SORCS2: variants seen among roughly 807,000 people sequenced by gnomAD.
SORCS2 encodes sortilin related VPS10 domain containing receptor 2, also known as VPS10 domain-containing receptor SorCS2.
In SORCS2, 100 loss-of-function variants were observed where a neutral mutation model predicts 141.6. The observed-to-expected ratio is 0.71, with a 90% CI of 0.60 to 0.83. The LOEUF is 0.83. Among genes scored for constraint, SORCS2 ranks in the 40% least tolerant of loss-of-function variants. SORCS2 has a pLI of 0.00. For missense variants in SORCS2, 1,646 were observed against 1,560.2 expected, an observed-to-expected ratio of 1.05 and a Z score of -0.93; for synonymous variants, 789 against 676.9, an observed-to-expected ratio of 1.17 and a Z score of -2.57.
At position 7,629,659 on chromosome 4, in the gene SORCS2, G is replaced by C. The variant is rs571274371; in HGVS notation, c.649-8669G>C. On this transcript the variant is annotated intron_variant, in intron 3 of 26. Coordinates refer to ENST00000507866, the MANE Select transcript of SORCS2 (RefSeq NM_020777.3). ...ACTTCCTGCCATGCCTGGATGAGCT[G>C]TTCCTTTCCGGCACCCCCAGCCAGG... is the stretch of plus-strand genomic sequence containing the variant. 2.5e-3 allele frequency among the ~76,000 whole-genome samples: 384 copies of C among 151,438 alleles called. 2 individuals are homozygous for C. The highest frequency in any genetic ancestry group is 5.8e-3 in the Admixed American group (88 of 15,166).
At chr4:7,618,486 G>A (rs1413645197) in intron 3 of SORCS2, among the ~76,000 whole-genome samples, 1 of 152,100 alleles carries the variant, frequency 6.6e-6, no homozygotes, top group Non-Finnish European at 1.5e-5. Context: ...ATTGCAATCA[G>A]ACTCCTCACG....
Position 7,664,587 on chromosome 4 carries a change from C to T in SORCS2, c.1071+116C>T, listed in dbSNP as rs1422436906. ...GGCAATAAAACGGGTATTTCACTCTCAAATGCTACTTCGCAGGTCACGGTT... is the reference window on the plus strand; with the variant it reads ...GGCAATAAAACGGGTATTTCACTCTTAAATGCTACTTCGCAGGTCACGGTT... On this transcript the variant is annotated intron_variant, in intron 7 of 26. Transcript: ENST00000507866. This position sits in a 1 kb window ranked among gnomAD's most constrained non-coding sequence, Gnocchi z 4.7. 1 of 708,788 alleles carries T rather than the reference C, an allele frequency of 1.4e-6. No individual in the cohort carries two copies. The highest frequency in any genetic ancestry group is 2.4e-6 in the Non-Finnish European group (1 of 424,502). The allele number at this position is 708,788 out of a possible 1,614,324, so 43.9% of individuals were successfully genotyped here. A position where few individuals can be genotyped will look rare whatever the true frequency, so the allele number is the denominator to read the frequency against.
intron 1 of SORCS2, among the ~76,000 whole-genome samples, chr4:7,253,149 C>T (rs1196113404): frequency 6.6e-6 from 1 of 152,238 alleles, no homozygotes; most frequent in Non-Finnish European, 1.5e-5. Flanking sequence ...GCCGTCCCGG[C>T]CTTTGAGGTC....
At chr4:7,450,720 A>T (rs532766770) in intron 2 of SORCS2, among the ~76,000 whole-genome samples, 12 of 152,380 alleles carry the variant, frequency 7.9e-5, no homozygotes, top group African/African-American at 2.9e-4. Flanking sequence ...TGAGGGAGTG[A>T]GTGCATGAAT....
intron 1 of SORCS2, among the ~76,000 whole-genome samples, chr4:7,340,242 C>T (rs550932039): frequency 1.3e-5 from 2 of 152,380 alleles, no homozygotes; most frequent in South Asian, 4.1e-4. Flanking sequence ...GTACGACCCT[C>T]ACACTCCGCT....
chr4:7,524,593 T>C (rs1733545666), intron 2 of SORCS2, among the ~76,000 whole-genome samples: 1 of 151,924 alleles, frequency 6.6e-6, no homozygotes. Flanking sequence ...TTGTTTTTTT[T>C]TTTTCATGTT....
At chr4:7,412,288 T>C (rs183334995) in intron 2 of SORCS2, among the ~76,000 whole-genome samples, 15 of 152,182 alleles carry the variant, frequency 9.9e-5, no homozygotes, top group Non-Finnish European at 1.6e-4. Context: ...CCCCTGGAGT[T>C]AGTTCTCAGG....
intron 2 of SORCS2, among the ~76,000 whole-genome samples, chr4:7,420,300 G>A (rs1045726432): frequency 5.9e-5 from 9 of 152,194 alleles, no homozygotes; most frequent in African/African-American, 2.2e-4. Context: ...AGGGCTCTCT[G>A]GGCCTCAGAG....
intron 1 of SORCS2, among the ~76,000 whole-genome samples, chr4:7,200,070 C>T (rs1727405157): frequency 1.3e-5 from 2 of 152,098 alleles, no homozygotes; most frequent in African/African-American, 2.4e-5. Context: ...AGGGCAGCAG[C>T]GTGGATGGGC....
intron 1 of SORCS2, among the ~76,000 whole-genome samples, chr4:7,251,799 A>G (rs577435666): frequency 6.6e-6 from 1 of 152,086 alleles, no homozygotes; most frequent in Non-Finnish European, 1.5e-5. Flanking sequence ...TGTTGGTCGC[A>G]GCTGGATCAC....
At chr4:7,665,804 A>C (rs1044325820) in intron 7 of SORCS2, among the ~76,000 whole-genome samples, 1 of 152,126 alleles carries the variant, frequency 6.6e-6, no homozygotes, top group African/African-American at 2.4e-5. Flanking sequence ...CTGGGCAACC[A>C]TCTCCCATGT....
At chr4:7,558,985 C>T (rs1417357497) in intron 3 of SORCS2, among the ~76,000 whole-genome samples, 1 of 152,232 alleles carries the variant, frequency 6.6e-6, no homozygotes, top group Non-Finnish European at 1.5e-5. Context: ...GTCCCTCCTG[C>T]CCCTATCTGG....
At chr4:7,427,420 C>T (rs1218588391) in intron 2 of SORCS2, among the ~76,000 whole-genome samples, 2 of 152,164 alleles carry the variant, frequency 1.3e-5, no homozygotes, top group Non-Finnish European at 2.9e-5. Context: ...TCCCCGACTT[C>T]ACTCCTGAGC....
intron 1 of SORCS2, among the ~76,000 whole-genome samples, chr4:7,204,699 G>T (rs1727643402): frequency 6.6e-6 from 1 of 152,184 alleles, no homozygotes; most frequent in African/African-American, 2.4e-5. Context: ...CGGTGGCAAG[G>T]CTGCGTCGTG....
intron 1 of SORCS2, among the ~76,000 whole-genome samples, chr4:7,261,674 G>C (rs980235203): frequency 6.6e-6 from 1 of 152,184 alleles, no homozygotes; most frequent in Admixed American, 6.5e-5. Flanking sequence ...ACAGCAGATC[G>C]GGAATCAGGC....
At chr4:7,508,180 C>T (rs1732390239) in intron 2 of SORCS2, among the ~76,000 whole-genome samples, 1 of 133,816 alleles carries the variant, frequency 7.5e-6, no homozygotes, top group Non-Finnish European at 1.5e-5. Flanking sequence ...TTTAATAAAG[C>T]ATGTAGGGAG....
chr4:7,398,117 C>T (rs530712186), intron 2 of SORCS2, among the ~76,000 whole-genome samples: 6 of 151,886 alleles, frequency 4.0e-5, no homozygotes, highest in South Asian at 4.2e-4. Context: ...ACTTATACGA[C>T]GGAGTTGCCG....
intron 19 of SORCS2, among the ~76,000 whole-genome samples, chr4:7,724,441 A>G (rs1425808461): frequency 1.3e-5 from 1 of 75,040 alleles, no homozygotes; most frequent in Non-Finnish European, 2.7e-5. Context: ...GATAATGGTG[A>G]CAATGGTGGT....
chr4:7,689,345 CCTCCATCCGTTCCTCCAAGGCA>C (rs1724069189), intron 10 of SORCS2, 119 bp from the exon 11 acceptor site: 2 of 696,386 alleles, frequency 2.9e-6, no homozygotes, highest in African/African-American at 3.6e-5. Context: ...TGCTTCCCAT[CCTCCATCCGTTCCTCCAAGGCA>C]CTCCTGGCCC....
Sources: allele counts gnomAD v4.1 joint callset (sites outside exome capture counted in the v4.1 genomes callset), GRCh38; gene constraint gnomAD v4.1.1; non-coding constraint Gnocchi (gnomAD v3.1); transcripts MANE v1.5; gene names NCBI Gene and HGNC (gene_info 2026-07-23, HGNC 2026-07-21).